The following CAMK1D variants were observed in gnomAD, a reference collection of about 807,000 sequenced individuals.
The protein encoded by CAMK1D is calcium/calmodulin dependent protein kinase ID.
CAMK1D carries 9 observed loss-of-function variants against 47.7 expected under a neutral mutation model. The ratio of observed to expected loss-of-function variants is 0.19; its 90% CI spans 0.11 to 0.33. The LOEUF (loss-of-function observed/expected upper bound fraction) is 0.33. Ranked by LOEUF, CAMK1D falls within the 10% of genes least tolerant of loss-of-function variation. CAMK1D has a pLI of 1.00. For synonymous variants in CAMK1D, 184 were observed against 184.9 expected, an observed-to-expected ratio of 0.99 and a Z score of 0.04; for missense variants, 291 against 488.7, an observed-to-expected ratio of 0.60 and a Z score of 3.81.
intron 3 of CAMK1D, among the ~76,000 whole-genome samples, chr10:12,723,867 G>T (rs916174142): frequency 1.3e-5 from 2 of 151,948 alleles, no homozygotes; most frequent in East Asian, 3.9e-4. Flanking sequence ...CCATTAACTC[G>T]TCATTTACAT....
chr10:12,772,034 A>AG (rs1837064127), intron 5 of CAMK1D, among the ~76,000 whole-genome samples: 1 of 96,240 alleles, frequency 1.0e-5, no homozygotes, highest in Non-Finnish European at 2.3e-5. Flanking sequence ...ATGCTATCTC[A>AG]GGAAAAAAAA....
chr10:12,552,823 C>T (rs1267845957), intron 1 of CAMK1D, among the ~76,000 whole-genome samples: 1 of 152,190 alleles, frequency 6.6e-6, no homozygotes, highest in East Asian at 1.9e-4. Flanking sequence ...CTCACTGCAA[C>T]CTCTGCCTTC....
At chr10:12,737,826 C>T (rs990292287) in intron 3 of CAMK1D, among the ~76,000 whole-genome samples, 2 of 152,046 alleles carry the variant, frequency 1.3e-5, no homozygotes, top group African/African-American at 4.8e-5. Flanking sequence ...GTTGTAGCAC[C>T]TAAAATAAAC....
intron 1 of CAMK1D, among the ~76,000 whole-genome samples, chr10:12,506,807 C>T (rs968053444): frequency 3.9e-5 from 6 of 152,194 alleles, no homozygotes; most frequent in East Asian, 1.9e-4. Flanking sequence ...CGTGAGCCAC[C>T]GCGCCCGGCC....
At chr10:12,741,317 G>A (rs1195152409) in intron 3 of CAMK1D, among the ~76,000 whole-genome samples, 1 of 152,106 alleles carries the variant, frequency 6.6e-6, no homozygotes, top group East Asian at 1.9e-4. Context: ...CGAACCGCCG[G>A]GTTAGACCTA....
At chr10:12,701,640 C>T (rs1833522691) in intron 3 of CAMK1D, among the ~76,000 whole-genome samples, 1 of 152,234 alleles carries the variant, frequency 6.6e-6, no homozygotes, top group South Asian at 2.1e-4. Context: ...AAGTATCTAT[C>T]TTCCAGTGAC....
At chr10:12,516,649 G>C (rs1373552257) in intron 1 of CAMK1D, among the ~76,000 whole-genome samples, 1 of 152,180 alleles carries the variant, frequency 6.6e-6, no homozygotes, top group African/African-American at 2.4e-5. Flanking sequence ...GTTAGCTCTT[G>C]TTATTGTCAG....
intron 2 of CAMK1D, among the ~76,000 whole-genome samples, chr10:12,646,419 GA>G (rs1839812625): frequency 6.6e-6 from 1 of 152,044 alleles, no homozygotes; most frequent in Non-Finnish European, 1.5e-5. Flanking sequence ...TCATCTTAAA[GA>G]AACGTGGAGA....
intron 2 of CAMK1D, among the ~76,000 whole-genome samples, chr10:12,557,528 G>C (rs1278374553): frequency 6.8e-6 from 1 of 147,302 alleles, no homozygotes; most frequent in Non-Finnish European, 1.5e-5. Context: ...CTCCAGCCTG[G>C]GCGACAGAGC....
intron 1 of CAMK1D, among the ~76,000 whole-genome samples, chr10:12,435,277 GCAGT>G (rs1832600666): frequency 6.8e-6 from 1 of 147,924 alleles, no homozygotes. Flanking sequence ...GAGGCCAATT[GCAGT>G]CCCTGAACAA....
chr10:12,802,407 A>G (rs1046323741), intron 6 of CAMK1D, among the ~76,000 whole-genome samples: 2 of 152,152 alleles, frequency 1.3e-5, no homozygotes, highest in Non-Finnish European at 2.9e-5. Flanking sequence ...CCCTTTCTCC[A>G]CAGACAGGGC....
At chr10:12,371,575 A>G (rs1838007694) in intron 1 of CAMK1D, among the ~76,000 whole-genome samples, 2 of 137,202 alleles carry the variant, frequency 1.5e-5, no homozygotes, top group East Asian at 2.3e-4. Flanking sequence ...GACTGTCCCG[A>G]AAAAAAAAAA....
intron 3 of CAMK1D, among the ~76,000 whole-genome samples, chr10:12,746,144 C>T (rs188052239): frequency 1.9e-4 from 28 of 147,546 alleles, no homozygotes; most frequent in African/African-American, 7.5e-4. Context: ...CGGACGGATC[C>T]GCATGGTCAG....
intron 1 of CAMK1D, among the ~76,000 whole-genome samples, chr10:12,545,168 C>T (rs1215827606): frequency 4.6e-5 from 1 of 21,606 alleles, no homozygotes; most frequent in Non-Finnish European, 1.3e-4. Flanking sequence ...ACGTTTAAGC[C>T]ACATTTTTTT....
intron 3 of CAMK1D, among the ~76,000 whole-genome samples, chr10:12,732,582 C>T (rs1834938085): frequency 6.6e-6 from 1 of 151,980 alleles, no homozygotes; most frequent in South Asian, 2.1e-4. Flanking sequence ...AGTGGAAACC[C>T]CTGGTAAACC....
intron 3 of CAMK1D, among the ~76,000 whole-genome samples, chr10:12,721,748 G>C (rs1375967058): frequency 6.6e-6 from 1 of 152,162 alleles, no homozygotes; most frequent in South Asian, 2.1e-4. Flanking sequence ...CACATGGCTC[G>C]ATGGGAAATG....
At chr10:12,563,700 G>GAGAGAGAGGGAGAGAGAGA (rs1564414542) in intron 2 of CAMK1D, among the ~76,000 whole-genome samples, 3 of 85,178 alleles carry the variant, frequency 3.5e-5, no homozygotes, top group Admixed American at 1.2e-4. Context: ...AGAGAGAGAG[G>GAGAGAGAGGGAGAGAGAGA]GAGAGAGAGG....
At chr10:12,802,756 A>C (rs544495538) in intron 6 of CAMK1D, among the ~76,000 whole-genome samples, 1 of 152,140 alleles carries the variant, frequency 6.6e-6, no homozygotes, top group Admixed American at 6.5e-5. Context: ...TACTGACCTC[A>C]TGATCCGTCC....
At chr10:12,808,433 T>C (rs1832455143) in intron 6 of CAMK1D, among the ~76,000 whole-genome samples, 1 of 152,142 alleles carries the variant, frequency 6.6e-6, no homozygotes, top group African/African-American at 2.4e-5. Context: ...CCTCCTGGCC[T>C]AGGTAGGCCT....
Sources: allele counts gnomAD v4.1 joint callset (sites outside exome capture counted in the v4.1 genomes callset), GRCh38; gene constraint gnomAD v4.1.1; transcripts MANE v1.5; gene names NCBI Gene and HGNC (gene_info 2026-07-23, HGNC 2026-07-21).